MEST: variants seen among roughly 807,000 people sequenced by gnomAD.
MEST encodes mesoderm specific transcript.
In MEST, 18 loss-of-function variants were observed where a neutral mutation model predicts 50.9. The observed-to-expected ratio is 0.35, with a 90% CI of 0.24 to 0.52. MEST has a LOEUF of 0.52. Among genes scored for constraint, MEST ranks in the 20% least tolerant of loss-of-function variants. The pLI, the probability that MEST is intolerant of heterozygous loss-of-function variation, is 0.94. For synonymous variants in MEST, 130 were observed against 154.1 expected (o/e 0.84, Z 1.16); for missense variants, 282 against 425.3 (o/e 0.66, Z 2.96).
At chr7:130,504,658 C>T (rs1189975702) in intron 11 of MEST, among the ~76,000 whole-genome samples, 2 of 152,208 alleles carry the variant, frequency 1.3e-5, no homozygotes, top group Non-Finnish European at 2.9e-5. Flanking sequence ...TCATCCTTCT[C>T]TAAGGAGCTG....
At position 130,498,283 on chromosome 7, in the gene MEST, G is replaced by A; in HGVS notation, c.476+8G>A. 6.2e-7 allele frequency: 1 copy of A among 1,613,720 alleles called. No individual in the cohort carries two copies. The highest frequency in any genetic ancestry group is 8.5e-7 in the Non-Finnish European group (1 of 1,179,796). Reference sequence around the variant, plus strand: ...TCAGGAGCTTCTCTACAGGTCAGTGGAGCTTCAGACTTCAGCTTATGATGC... The same window carrying A: ...TCAGGAGCTTCTCTACAGGTCAGTGAAGCTTCAGACTTCAGCTTATGATGC... On this transcript the variant is annotated splice_region_variant and intron_variant, in intron 5 of 11. Transcript: ENST00000223215.
At chr7:130,495,778 G>GTTTGT (rs1554436765) in intron 2 of MEST, 3 of 189,700 alleles carry the variant, frequency 1.6e-5, no homozygotes, top group African/African-American at 5.0e-5. Context: ...TCCAATATTA[G>GTTTGT]TTTTTTTTTT....
rs200597618 is a variant in MEST, at chr7:130,500,804, T to G, written c.663T>G (p.Phe221Leu). 1.1e-5 allele frequency: 17 copies of G among 1,611,990 alleles called. No individual in the cohort carries two copies. In the Admixed American group the frequency reaches 2.4e-4, roughly 22 times the overall value. ...FVFSRGLTPV[F>L]GPYTRPSESE... ...ACTCTTTCAGTCTCACCCCAGTCTT[T>G]GGGCCGTATACTCGGCCCTCTGAGA... is the stretch of plus-strand genomic sequence containing the variant. The change falls in exon 9 of 12, where the codon TTT (phenylalanine) becomes TTG (leucine). Residue 221 changes from phenylalanine (F) to leucine (L), a missense_variant. Physicochemically the swap from Phe to Leu is conservative, Grantham distance 22. Transcript: ENST00000223215. The surrounding 1 kb of genome is among the most constrained non-coding windows in gnomAD (Gnocchi z 5.0).
intron 11 of MEST, 142 bp downstream of exon 11, chr7:130,504,138 G>A (rs572330001): frequency 5.6e-5 from 36 of 640,356 alleles, no homozygotes; most frequent in African/African-American, 5.6e-4. Context: ...TAAAAAGATT[G>A]AGTTGAGGAA....
At chr7:130,499,226 T>C (rs575015188) in intron 6 of MEST, among the ~76,000 whole-genome samples, 1 of 152,338 alleles carries the variant, frequency 6.6e-6, no homozygotes, top group Admixed American at 6.5e-5. Context: ...TGCAAGTTCA[T>C]GAATATCCAA....
Position 130,492,793 on chromosome 7 carries a change from C to T in MEST, c.26+454C>T, listed in dbSNP as rs1227988235. On this transcript the variant is annotated intron_variant, in intron 1 of 11. Transcript: ENST00000223215. This position sits in a 1 kb window ranked among gnomAD's most constrained non-coding sequence, Gnocchi z 7.6. ...CCTGGTTTGATTTAGGATATTTAGACTCCGGCTTCCCTCTGGTGCGATTCA... is the reference window on the plus strand; with the variant it reads ...CCTGGTTTGATTTAGGATATTTAGATTCCGGCTTCCCTCTGGTGCGATTCA... Among the ~76,000 whole-genome samples the T allele has an allele frequency of 6.6e-6, 1 of 151,720 alleles. No homozygotes were observed. The highest frequency in any genetic ancestry group is 2.4e-5 in the African/African-American group (1 of 41,254).
At chr7:130,495,781 T>TG in intron 2 of MEST, 1 of 302,612 alleles carries the variant, frequency 3.3e-6, no homozygotes, top group South Asian at 7.1e-5. Context: ...AATATTAGTT[T>TG]TTTTTTTTTT....
chr7:130,501,714 A>G (rs1382111327), intron 9 of MEST, among the ~76,000 whole-genome samples: 1 of 152,162 alleles, frequency 6.6e-6, no homozygotes, highest in African/African-American at 2.4e-5. Flanking sequence ...AGAATTTTGA[A>G]GTAGATGTCG....
intron 11 of MEST, among the ~76,000 whole-genome samples, chr7:130,504,216 G>T (rs1398540500): frequency 1.3e-5 from 2 of 152,216 alleles, no homozygotes; most frequent in African/African-American, 2.4e-5. Flanking sequence ...TACATAGTCT[G>T]TTTTCACTGT....
At chr7:130,504,427 G>C (rs1554439317) in intron 11 of MEST, among the ~76,000 whole-genome samples, 1 of 152,196 alleles carries the variant, frequency 6.6e-6, no homozygotes. Context: ...ATTCTCTCTA[G>C]GTACTTACTT....
rs374308764 is a variant in MEST at position 130,502,000 on chromosome 7, G to GA, written c.750-633dup. 2.6e-3 allele frequency among the ~76,000 whole-genome samples: 375 copies of GA among 145,792 alleles called. 6 individuals are homozygous for GA. In the East Asian group the frequency reaches 0.026, roughly 10 times the overall value. ...AGACTCCGTCTCAAAAAAAAAAAAAGAAAAAAAAAAAGAAGTAGATGTCAA... is the reference window on the plus strand; with the variant it reads ...AGACTCCGTCTCAAAAAAAAAAAAAGAAAAAAAAAAAAGAAGTAGATGTCAA... On this transcript the variant is annotated intron_variant, in intron 9 of 11. Coordinates refer to ENST00000223215, the MANE Select transcript of MEST (RefSeq NM_002402.4).
At chr7:130,486,302 G>C (rs572201488) in exon 1 of MEST, 5 of 152,394 alleles carry the variant, frequency 3.3e-5, no homozygotes, top group Admixed American at 1.3e-4. Flanking sequence ...CCTGGGAACA[G>C]GGTGAAGGCC....
At position 130,497,079 on chromosome 7, in the gene MEST, ATTAC is replaced by A; in HGVS notation, c.182-73_182-70del. 2 of 1,171,136 alleles carry A rather than the reference ATTAC, an allele frequency of 1.7e-6. No individual in the cohort carries two copies. The highest frequency in any genetic ancestry group is 2.5e-6 in the Non-Finnish European group (2 of 814,884). The allele number at this position is 1,171,136 out of a possible 1,614,324, so 72.5% of individuals were successfully genotyped here. A position where few individuals can be genotyped will look rare whatever the true frequency, so the allele number is the denominator to read the frequency against. The stretch of plus-strand genomic sequence containing the variant: ...CACAGTTGCTTGTTCTTTGTATCAG[ATTAC>A]TTAGATTTTAACATCTTCGAGGTTA... On this transcript the variant is annotated intron_variant, in intron 2 of 11. Coordinates refer to ENST00000223215, the MANE Select transcript of MEST (RefSeq NM_002402.4). The surrounding 1 kb of genome is among the most constrained non-coding windows in gnomAD (Gnocchi z 4.0).
upstream of MEST, chr7:130,487,993 A>T (rs1168708307): frequency 1.3e-5 from 2 of 152,170 alleles, no homozygotes; most frequent in Non-Finnish European, 2.9e-5. Context: ...TTTATTGATG[A>T]TAATGTCTTC....
Position 130,492,423 on chromosome 7 carries a change from C to G in MEST, c.26+84C>G. On this transcript the variant is annotated intron_variant, in intron 1 of 11. Coordinates refer to ENST00000223215, the MANE Select transcript of MEST (RefSeq NM_002402.4). This position sits in a 1 kb window ranked among gnomAD's most constrained non-coding sequence, Gnocchi z 7.6. Reference sequence around the variant, plus strand: ...CGAGCGGAGGACTGTGTGCCCGTGTCCGAGCTGGGGCTGCCTCTGGGCGAA... The same window carrying G: ...CGAGCGGAGGACTGTGTGCCCGTGTGCGAGCTGGGGCTGCCTCTGGGCGAA... 5.2e-6 allele frequency: 6 copies of G among 1,152,500 alleles called. No homozygotes were observed. The highest frequency in any genetic ancestry group is 6.6e-6 in the Non-Finnish European group (6 of 908,116). The allele number at this position is 1,152,500 out of a possible 1,614,324, so 71.4% of individuals were successfully genotyped here.
chr7:130,496,337 ACTT>A (rs1190990495), intron 2 of MEST: 3 of 368,232 alleles, frequency 8.1e-6, no homozygotes, highest in Non-Finnish European at 5.1e-6. Context: ...AAACTATACT[ACTT>A]GTATAAATGG....
At chr7:130,504,564 T>C (rs1355333309) in intron 11 of MEST, among the ~76,000 whole-genome samples, 1 of 152,230 alleles carries the variant, frequency 6.6e-6, no homozygotes, top group African/African-American at 2.4e-5. Flanking sequence ...ACCCCCTCTC[T>C]CATCTCCTCC....
Position 130,497,936 on chromosome 7 carries a change from A to G in MEST, c.262A>G (p.Ile88Val). 6.2e-7 allele frequency: 1 copy of G among 1,614,138 alleles called. No individual in the cohort carries two copies. Among genetic ancestry groups the G allele is most frequent in the Non-Finnish European group, 8.5e-7 (1 of 1,180,018 alleles). Residue 88 changes from isoleucine to valine, a missense_variant and splice_region_variant, in exon 4 of 12, where the codon ATT (isoleucine) becomes GTT (valine). Ile to Val is a conservative substitution (Grantham distance 29, BLOSUM62 3). Coordinates refer to ENST00000223215, the MANE Select transcript of MEST (RefSeq NM_002402.4). The surrounding 1 kb of genome is among the most constrained non-coding windows in gnomAD (Gnocchi z 4.0). The part of the protein sequence containing the change: ...FPTSSYDWYK[I>V]WEGLTLRFHR... ...CCAAATCATCGTTTCTTTCTTGTAG[A>G]TTTGGGAAGGTCTGACCTTGAGGTT...
chr7:130,502,127 T>TG (rs1554438640), intron 9 of MEST, among the ~76,000 whole-genome samples: 1 of 151,902 alleles, frequency 6.6e-6, no homozygotes, highest in East Asian at 1.9e-4. Flanking sequence ...GAGGCTGGGG[T>TG]GGGAGGATCT....
Sources: gnomAD v4.1 joint callset for allele counts (sites outside exome capture counted in the v4.1 genomes callset) on GRCh38, gnomAD v4.1.1 for gene constraint, Gnocchi (gnomAD v3.1) non-coding constraint, MANE v1.5 for transcripts, NCBI Gene and HGNC (gene_info 2026-07-23, HGNC 2026-07-21) for gene names.